FBXO41: variants seen among roughly 807,000 people sequenced by gnomAD.
The protein encoded by FBXO41 is F-box only protein 41.
A neutral mutation model predicts 81.6 loss-of-function variants in FBXO41; 33 were observed. That is an observed-to-expected ratio of 0.40 (90% CI 0.31 to 0.54). FBXO41 has a LOEUF of 0.54. Ranked by LOEUF, FBXO41 falls within the 20% of genes least tolerant of loss-of-function variation. The probability of loss-of-function intolerance (pLI) is 0.39; values close to 1 mark genes in which losing one functional copy is unlikely to be tolerated. For synonymous variants in FBXO41, 576 were observed against 552.7 expected, an observed-to-expected ratio of 1.04 and a Z score of -0.59; for missense variants, 1,107 against 1,236.0, an observed-to-expected ratio of 0.90 and a Z score of 1.56.
At chr2:73,278,519 G>C (rs1290873472) in intron 1 of FBXO41, among the ~76,000 whole-genome samples, 1 of 152,198 alleles carries the variant, frequency 6.6e-6, no homozygotes, top group African/African-American at 2.4e-5. Flanking sequence ...TAGGTTTGTT[G>C]AGGACAAAGA....
In FBXO41 at chr2:73,259,343, G is replaced by A. The variant is rs761965966; in HGVS notation, c.2450-47C>T. The A allele has an allele frequency of 6.1e-5, 90 of 1,472,422 alleles. No homozygotes were observed. The Admixed American group carries it at 1.5e-3, about 24-fold the overall frequency. 91.2% of individuals were successfully genotyped at this position (1,472,422 alleles called of 1,614,324 possible). A position where few individuals can be genotyped will look rare whatever the true frequency, so the allele number is the denominator to read the frequency against. On this transcript the variant is annotated intron_variant, in intron 11 of 12. Coordinates refer to ENST00000520530, the MANE Select transcript of FBXO41 (RefSeq NM_001371389.2). The surrounding 1 kb of genome is among the most constrained non-coding windows in gnomAD (Gnocchi z 4.2). ...AGGGGCGTGTTTGGCCTGGGCTGTG[G>A]AGCTGCCTCCTCTCCTCTCACTAAT...
At position 73,257,050 on chromosome 2, in the gene FBXO41, C is replaced by G. The variant is rs1182686354; in HGVS notation, c.*1932G>C. 1 of 153,036 alleles carries G rather than the reference C, an allele frequency of 6.5e-6. No homozygotes were observed. Among genetic ancestry groups the G allele is most frequent in the East Asian group, 1.9e-4 (1 of 5,214 alleles). 9.5% of individuals were successfully genotyped at this position (153,036 alleles called of 1,614,324 possible). A position where few individuals can be genotyped will look rare whatever the true frequency, so the allele number is the denominator to read the frequency against. On this transcript the variant is annotated 3_prime_UTR_variant, in exon 13 of 13. Transcript: ENST00000520530. This position sits in a 1 kb window ranked among gnomAD's most constrained non-coding sequence, Gnocchi z 4.6. ...GTTGGCAAGGCAGGACCAAGAAATC[C>G]AAGGCAGCCAGGCCCTTACTGGACC...
rs957025042 is a variant in FBXO41, at chr2:73,269,812, C to T, written c.-138-44G>A. 2.1e-5 allele frequency: 5 copies of T among 239,012 alleles called. No individual in the cohort carries two copies. The highest frequency in any genetic ancestry group is 3.8e-5 in the Non-Finnish European group (5 of 131,980). 14.8% of individuals were successfully genotyped at this position (239,012 alleles called of 1,614,324 possible). A position where few individuals can be genotyped will look rare whatever the true frequency, so the allele number is the denominator to read the frequency against. ...GTCTTAGGAAGAGGGTATCGCTGCT[C>T]CCACCCTGGCTCCCAGCCCGGAGCC... On this transcript the variant is annotated intron_variant, in intron 1 of 12. Coordinates refer to ENST00000520530, the MANE Select transcript of FBXO41 (RefSeq NM_001371389.2). The surrounding 1 kb of genome is among the most constrained non-coding windows in gnomAD (Gnocchi z 7.0).
rs1273571815 is a variant in FBXO41, at chr2:73,268,753, T to C, written c.878A>G (p.Lys293Arg). Reference protein sequence around the residue: ...LASLKQDLVHKEQELSRKQQE... With the variant: ...LASLKQDLVHREQELSRKQQE... The stretch of plus-strand genomic sequence containing the variant: ...CTGCTTGCGGCTCAGCTCCTGTTCC[T>C]TGTGCACCAGGTCCTGCTTGAGTGA... The change falls in exon 2 of 13, where the codon AAG becomes AGG. Residue 293 changes from lysine to arginine, a missense_variant. This residue lies in a region of FBXO41 where 771 missense variants were observed against 789.2 expected (regional missense o/e 0.98). Transcript: ENST00000520530. 2 of 1,564,922 alleles carry C rather than the reference T, an allele frequency of 1.3e-6. No homozygotes were observed. The highest frequency in any genetic ancestry group is 1.7e-4 in the Middle Eastern group (1 of 5,980).
rs761253592 is a variant in FBXO41 at position 73,263,785 on chromosome 2, C to T, written c.1968G>A (p.Gly656=). Residue 656 remains glycine, a synonymous_variant, in exon 8 of 13, where the codon GGG becomes GGA. Coordinates refer to ENST00000520530, the MANE Select transcript of FBXO41 (RefSeq NM_001371389.2). ...AGLESLLKAA[G]GNLLILRISH... ...AGATGCGCAGGATCAGCAGGTTCCC[C>T]CCAGCTGCCTTCAGCAGGGACTCCA... 3 of 1,613,918 alleles carry T rather than the reference C, an allele frequency of 1.9e-6. No homozygotes were observed. The highest frequency in any genetic ancestry group is 2.7e-5 in the African/African-American group (2 of 74,930).
chr2:73,269,478 G>T lies in FBXO41; in HGVS notation c.153C>A (p.Ala51=). 7.8e-7 allele frequency: 1 copy of T among 1,282,284 alleles called. No individual in the cohort carries two copies. Among genetic ancestry groups the T allele is most frequent in the Non-Finnish European group, 9.9e-7 (1 of 1,011,378 alleles). 79.4% of individuals were successfully genotyped at this position (1,282,284 alleles called of 1,614,324 possible). A position where few individuals can be genotyped will look rare whatever the true frequency, so the allele number is the denominator to read the frequency against. ...LSKTNSICDG[A]AAAAAAAAAA... ...CGGCGGCGGCGGCCGCGGCGGCGGC[G>T]GCGCCGTCGCAGATGCTGTTGGTCT... Residue 51 remains alanine (A), a synonymous_variant, in exon 2 of 13, where the codon GCC becomes GCA. Transcript: ENST00000520530. The surrounding 1 kb of genome is among the most constrained non-coding windows in gnomAD (Gnocchi z 7.0).
Position 73,274,510 on chromosome 2 carries a change from C to A in FBXO41, c.-138-4742G>T, listed in dbSNP as rs530603350. On this transcript the variant is annotated intron_variant, in intron 1 of 12. Transcript: ENST00000520530. ...GTTTTAAATTATGCCGCCGTAAAAT[C>A]GGATTTTGTTATTATGCTTAGGAAA... Among the ~76,000 whole-genome samples, 7 of 152,210 alleles carry A rather than the reference C, an allele frequency of 4.6e-5. No individual in the cohort carries two copies. In the East Asian group the frequency reaches 1.2e-3, roughly 25 times the overall value.
chr2:73,266,905 C>T lies in FBXO41; in HGVS notation c.906-223G>A. ...GAGCCACACACTCACACCCCACCCA[C>T]CTGGCCCCAGACCCTGCTCTCCACA... On this transcript the variant is annotated intron_variant, in intron 2 of 12. Transcript: ENST00000520530. The surrounding 1 kb of genome is among the most constrained non-coding windows in gnomAD (Gnocchi z 5.3). 1.8e-6 allele frequency: 1 copy of T among 570,452 alleles called. No homozygotes were observed. Among genetic ancestry groups the T allele is most frequent in the African/African-American group, 2.0e-5 (1 of 51,126 alleles). The allele number at this position is 570,452 out of a possible 1,614,324, so 35.3% of individuals were successfully genotyped here. A position where few individuals can be genotyped will look rare whatever the true frequency, so the allele number is the denominator to read the frequency against.
chr2:73,281,049 G>A (rs1688832380), intron 1 of FBXO41, among the ~76,000 whole-genome samples: 1 of 152,186 alleles, frequency 6.6e-6, no homozygotes, highest in Non-Finnish European at 1.5e-5. Flanking sequence ...AGAGCTTGCT[G>A]TGTCTTCTCA....
intron 1 of FBXO41, among the ~76,000 whole-genome samples, chr2:73,280,990 T>G (rs1688831232): frequency 6.6e-6 from 1 of 152,234 alleles, no homozygotes. Context: ...AAGAATCACC[T>G]TGAATAACAG....
chr2:73,267,930 C>T (rs1318675156), intron 2 of FBXO41, among the ~76,000 whole-genome samples: 2 of 152,184 alleles, frequency 1.3e-5, no homozygotes, highest in Non-Finnish European at 2.9e-5. Context: ...CTACTGACTG[C>T]ATGATGCTTT....
At chr2:73,275,590 G>A (rs1688660980) in intron 1 of FBXO41, among the ~76,000 whole-genome samples, 1 of 152,162 alleles carries the variant, frequency 6.6e-6, no homozygotes, top group Non-Finnish European at 1.5e-5. Flanking sequence ...TTCAAAAATA[G>A]AGAGAGTATT....
intron 9 of FBXO41, among the ~76,000 whole-genome samples, chr2:73,261,371 A>T (rs1018974690): frequency 6.6e-6 from 1 of 152,074 alleles, no homozygotes; most frequent in Admixed American, 6.5e-5. Flanking sequence ...AGTACTCTTG[A>T]ACCCACAGTT....
chr2:73,261,322 T>A (rs1468747939), intron 9 of FBXO41, among the ~76,000 whole-genome samples: 1 of 152,142 alleles, frequency 6.6e-6, no homozygotes, highest in East Asian at 1.9e-4. Context: ...CTTCCCAAAG[T>A]GCTGGGATTA....
At chr2:73,264,920 C>T (rs768899598) in intron 5 of FBXO41, among the ~76,000 whole-genome samples, 3 of 152,112 alleles carry the variant, frequency 2.0e-5, no homozygotes, top group Admixed American at 6.5e-5. Context: ...CTAGCCCTCT[C>T]ACCTCCCAAA....
rs62149577 is a variant in FBXO41 at position 73,272,645 on chromosome 2, G to A, written c.-138-2877C>T. 8.0e-3 allele frequency among the ~76,000 whole-genome samples: 1,217 copies of A among 152,306 alleles called. 9 individuals carry two copies. The highest frequency in any genetic ancestry group is 0.011 in the Non-Finnish European group (720 of 68,028). ...CCAAAGTTGGAGTTTGCTTTGCCCT[G>A]TGGCAGAGGCCCAGTTAGAGGCTGC... On this transcript the variant is annotated intron_variant, in intron 1 of 12. Transcript: ENST00000520530.
intron 1 of FBXO41, among the ~76,000 whole-genome samples, chr2:73,282,580 G>A (rs1688879362): frequency 6.6e-6 from 1 of 152,164 alleles, no homozygotes; most frequent in Admixed American, 6.5e-5. Context: ...GCATATGCCT[G>A]TGGTCCCAGC....
At position 73,269,466 on chromosome 2, in the gene FBXO41, CGCGGCG is replaced by C. The variant is rs760529928; in HGVS notation, c.159_164del (p.Ala60_Ala61del). 5 of 1,254,446 alleles carry C rather than the reference CGCGGCG, an allele frequency of 4.0e-6. No homozygotes were observed. Among genetic ancestry groups the C allele is most frequent in the Non-Finnish European group, 5.0e-6 (5 of 998,062 alleles). 77.7% of individuals were successfully genotyped at this position (1,254,446 alleles called of 1,614,324 possible). On this transcript the variant is annotated inframe_deletion, in exon 2 of 13. Transcript: ENST00000520530. The surrounding 1 kb of genome is among the most constrained non-coding windows in gnomAD (Gnocchi z 7.0). The stretch of plus-strand genomic sequence containing the variant: ...ACCCCGAGGCAGCGGCGGCGGCGGC[CGCGGCG>C]GCGGCGGCGCCGTCGCAGATGCTGT...
intron 1 of FBXO41, chr2:73,271,035 C>CGA: frequency 2.3e-6 from 1 of 437,256 alleles, no homozygotes; most frequent in Admixed American, 2.4e-5. Context: ...GTTCTTGCTG[C>CGA]CTTCCTAAAC....
Sources: gnomAD v4.1 joint callset for allele counts (sites outside exome capture counted in the v4.1 genomes callset) on GRCh38, gnomAD v4.1.1 for gene constraint, gnomAD v4.1.1 regional missense constraint, Gnocchi (gnomAD v3.1) non-coding constraint, MANE v1.5 for transcripts, NCBI Gene and HGNC (gene_info 2026-07-23, HGNC 2026-07-21) for gene names.